NREP: variants seen among roughly 807,000 people sequenced by gnomAD.
NREP encodes neuronal regeneration-related protein.
In NREP, 5 loss-of-function variants were observed where a neutral mutation model predicts 8.6. That is an observed-to-expected ratio of 0.58 (90% confidence interval 0.30 to 1.22). The LOEUF is 1.22. NREP is among the 50% of genes most tolerant of loss of function. NREP has a pLI of 0.07. For synonymous variants in NREP, 27 were observed against 28.0 expected, an observed-to-expected ratio of 0.96 and a Z score of 0.11; for missense variants, 86 against 82.5, an observed-to-expected ratio of 1.04 and a Z score of -0.17.
At chr5:111,970,825 C>CAAAAAAAAA (rs33962098) in intron 2 of NREP, among the ~76,000 whole-genome samples, 72 of 53,482 alleles carry the variant, frequency 1.3e-3, no homozygotes, top group East Asian at 6.0e-3. Flanking sequence ...GACTCCATCT[C>CAAAAAAAAA]AAAAAAAAAA....
At chr5:111,757,385 T>G (rs1224417487), upstream of NREP, 1 of 963,360 alleles carries the variant, frequency 1.0e-6, no homozygotes, top group Non-Finnish European at 1.2e-6. Context: ...TGCCTCGCGC[T>G]CTCTCTCCAA....
intron 2 of NREP, among the ~76,000 whole-genome samples, chr5:111,865,302 T>C (rs1309105193): frequency 6.6e-6 from 1 of 152,138 alleles, no homozygotes; most frequent in Non-Finnish European, 1.5e-5. Context: ...GACAACATGG[T>C]CATCATAAAT....
At chr5:111,887,336 G>C (rs901864111) in intron 2 of NREP, among the ~76,000 whole-genome samples, 1 of 152,198 alleles carries the variant, frequency 6.6e-6, no homozygotes, top group Non-Finnish European at 1.5e-5. Flanking sequence ...ATATGAAGAC[G>C]GAGGTTGGGT....
intron 2 of NREP, among the ~76,000 whole-genome samples, chr5:111,840,233 A>C (rs562456339): frequency 2.0e-5 from 3 of 152,120 alleles, no homozygotes; most frequent in Admixed American, 6.6e-5. Context: ...GACTCAAAAA[A>C]AAAGAGATCG....
intron 2 of NREP, chr5:111,974,642 A>G (rs1447593117): frequency 6.6e-6 from 1 of 152,276 alleles, no homozygotes; most frequent in African/African-American, 2.4e-5. Flanking sequence ...GTGTATGTGT[A>G]CAATACAGTA....
At chr5:111,811,780 A>G (rs1039728512) in intron 2 of NREP, among the ~76,000 whole-genome samples, 3 of 152,202 alleles carry the variant, frequency 2.0e-5, no homozygotes, top group African/African-American at 7.2e-5. Flanking sequence ...GAATAATCAC[A>G]AAGGGTTTTT....
chr5:111,870,310 T>A (rs977915417), intron 2 of NREP, among the ~76,000 whole-genome samples: 2 of 151,998 alleles, frequency 1.3e-5, no homozygotes, highest in African/African-American at 4.8e-5. Flanking sequence ...ACACCTGTAG[T>A]CCCAGCTACC....
At chr5:111,960,978 T>G (rs543081702) in intron 2 of NREP, among the ~76,000 whole-genome samples, 1 of 152,344 alleles carries the variant, frequency 6.6e-6, no homozygotes, top group Non-Finnish European at 1.5e-5. Flanking sequence ...ATTTATTGAG[T>G]CATAAAATGT....
chr5:111,804,199 T>C (rs921989836), intron 2 of NREP, among the ~76,000 whole-genome samples: 1 of 152,186 alleles, frequency 6.6e-6, no homozygotes, highest in Admixed American at 6.5e-5. Flanking sequence ...AGAACCATAA[T>C]AGAATAGAAA....
At chr5:111,775,598 T>C (rs1328554510) in intron 2 of NREP, among the ~76,000 whole-genome samples, 1 of 152,170 alleles carries the variant, frequency 6.6e-6, no homozygotes, top group Non-Finnish European at 1.5e-5. Context: ...TTTTTAATAA[T>C]CCAGAGAGTA....
intron 2 of NREP, among the ~76,000 whole-genome samples, chr5:111,857,403 A>G (rs1318890164): frequency 6.6e-6 from 1 of 152,174 alleles, no homozygotes; most frequent in Non-Finnish European, 1.5e-5. Flanking sequence ...TGGTTGTCCT[A>G]CCTCTGAACT....
intron 2 of NREP, among the ~76,000 whole-genome samples, chr5:111,841,495 T>C (rs906312085): frequency 6.6e-6 from 1 of 152,136 alleles, no homozygotes; most frequent in African/African-American, 2.4e-5. Flanking sequence ...CAATAGGATA[T>C]AAGGCCAGGC....
chr5:111,836,767 T>C (rs985915638), intron 2 of NREP, among the ~76,000 whole-genome samples: 1 of 152,064 alleles, frequency 6.6e-6, no homozygotes, highest in African/African-American at 2.4e-5. Flanking sequence ...TGCAAAGACC[T>C]GGTAACTGAG....
intron 2 of NREP, among the ~76,000 whole-genome samples, chr5:111,874,556 G>T (rs902156079): frequency 6.6e-6 from 1 of 152,074 alleles, no homozygotes; most frequent in Non-Finnish European, 1.5e-5. Flanking sequence ...TGGCTTGTTG[G>T]GACTGGCATC....
At position 111,736,439 on chromosome 5, in the gene NREP, T is replaced by G. The variant is rs117283065; in HGVS notation, c.4-932A>C. ...TCCCTCCAGATCAGATTCTCCAAAT[T>G]CTGCAATAAATAAGCCTCACATTTA... On this transcript the variant is annotated intron_variant, in intron 2 of 3. Transcript: ENST00000257435. Among the ~76,000 whole-genome samples the G allele has an allele frequency of 7.6e-4, 115 of 152,270 alleles. No homozygotes were observed. In the East Asian group the frequency reaches 0.012, roughly 16 times the overall value.
upstream of NREP, among the ~76,000 whole-genome samples, chr5:111,759,529 C>T (rs890899686): frequency 2.6e-5 from 4 of 151,810 alleles, no homozygotes; most frequent in Non-Finnish European, 5.9e-5. Flanking sequence ...GCTGGGATTA[C>T]AGGCACAAGC....
At position 111,735,449 on chromosome 5, in the gene NREP, A is replaced by T; in HGVS notation, c.62T>A (p.Met21Lys). The T allele has an allele frequency of 6.2e-7, 1 of 1,612,396 alleles. No individual in the cohort carries two copies. Among genetic ancestry groups the T allele is most frequent in the Non-Finnish European group, 8.5e-7 (1 of 1,178,654 alleles). The change falls in exon 3 of 4, where the codon ATG (methionine) becomes AAG (lysine). Residue 21 changes from methionine to lysine, a missense_variant. Transcript: ENST00000257435. The stretch of plus-strand genomic sequence containing the variant: ...TCTTACCTTAGGAAGCCTTCCCTCC[A>T]TGTCCTTGTTTGGAAATGGTTCTTG... Reference protein sequence around the residue: ...VSQEPFPNKDMEGRLPKGRLP... With the variant: ...VSQEPFPNKDKEGRLPKGRLP...
chr5:111,783,176 A>G lies in NREP; in HGVS notation c.136-47669T>C, dbSNP rs115452884. On this transcript the variant is annotated intron_variant, in intron 2 of 3. Transcript: ENST00000395634. Reference sequence around the variant, plus strand: ...ACAGACTTATCAACTACATAGTCACAGTATCTCTCCTTAAAATCCCTATGC... The same window carrying G: ...ACAGACTTATCAACTACATAGTCACGGTATCTCTCCTTAAAATCCCTATGC... 2.0e-3 allele frequency among the ~76,000 whole-genome samples: 302 copies of G among 152,340 alleles called. 1 individual carries two copies. The highest frequency in any genetic ancestry group is 6.9e-3 in the African/African-American group (288 of 41,572).
At chr5:111,961,040 A>G (rs1756466077) in intron 2 of NREP, among the ~76,000 whole-genome samples, 1 of 152,232 alleles carries the variant, frequency 6.6e-6, no homozygotes, top group Admixed American at 6.5e-5. Flanking sequence ...ATTTCTGCCC[A>G]TTGACAAATT....
Sources: allele counts gnomAD v4.1 joint callset (sites outside exome capture counted in the v4.1 genomes callset), GRCh38; gene constraint gnomAD v4.1.1; transcripts MANE v1.5; gene names NCBI Gene and HGNC (gene_info 2026-07-23, HGNC 2026-07-21).